The following GALNTL6 variants were observed in gnomAD, a reference collection of about 807,000 sequenced individuals.
The protein encoded by GALNTL6 is polypeptide N-acetylgalactosaminyltransferase-like 6.
Under a neutral mutation model 73.7 loss-of-function variants are expected in GALNTL6, and 46 were observed. The ratio of observed to expected loss-of-function variants is 0.62; its 90% CI spans 0.49 to 0.80. GALNTL6 has a LOEUF of 0.80. Among genes scored for constraint, GALNTL6 ranks in the 30% least tolerant of loss-of-function variants. GALNTL6 has a pLI of 0.00. For synonymous variants in GALNTL6, 259 were observed against 263.7 expected, an observed-to-expected ratio of 0.98 and a Z score of 0.17; for missense variants, 604 against 755.0, an observed-to-expected ratio of 0.80 and a Z score of 2.34.
intron 5 of GALNTL6, among the ~76,000 whole-genome samples, chr4:172,761,569 A>C (rs185864354): frequency 1.1e-3 from 167 of 152,200 alleles, no homozygotes; most frequent in Non-Finnish European, 2.2e-3. Context: ...AGGTAACTGG[A>C]TTATGGGGAT....
intron 2 of GALNTL6, among the ~76,000 whole-genome samples, chr4:172,175,940 TGA>T (rs1351922240): frequency 6.6e-5 from 10 of 152,252 alleles, no homozygotes; most frequent in African/African-American, 2.4e-4. Flanking sequence ...TAATTACAGA[TGA>T]TATAAAAATC....
chr4:172,324,387 T>C (rs1284435201), intron 4 of GALNTL6, among the ~76,000 whole-genome samples: 1 of 151,848 alleles, frequency 6.6e-6, no homozygotes, highest in East Asian at 1.9e-4. Flanking sequence ...AGAAATAAAT[T>C]CACTTAATTT....
intron 7 of GALNTL6, among the ~76,000 whole-genome samples, chr4:172,875,158 T>G (rs1455435389): frequency 2.0e-5 from 3 of 152,210 alleles, no homozygotes; most frequent in Non-Finnish European, 4.4e-5. Flanking sequence ...ATCACACAGA[T>G]GGACCCAAAG....
At chr4:172,437,953 C>T in intron 5 of GALNTL6, among the ~76,000 whole-genome samples, 1 of 34,580 alleles carries the variant, frequency 2.9e-5, no homozygotes, top group Non-Finnish European at 6.3e-5. Context: ...TCCCTTCCTC[C>T]TCCATTGTTA....
At chr4:172,701,303 A>C (rs1734014764) in intron 5 of GALNTL6, among the ~76,000 whole-genome samples, 1 of 152,136 alleles carries the variant, frequency 6.6e-6, no homozygotes, top group African/African-American at 2.4e-5. Context: ...AGAAAAGTTC[A>C]ACATAGAGAG....
chr4:171,991,893 A>T (rs1740347811), intron 2 of GALNTL6, among the ~76,000 whole-genome samples: 2 of 151,766 alleles, frequency 1.3e-5, no homozygotes, highest in African/African-American at 4.8e-5. Flanking sequence ...TATGTCAATA[A>T]GTAACTGTGT....
chr4:172,587,417 T>A (rs1737453384), intron 5 of GALNTL6, among the ~76,000 whole-genome samples: 1 of 152,224 alleles, frequency 6.6e-6, no homozygotes, highest in Admixed American at 6.5e-5. Flanking sequence ...GAGGGATCTT[T>A]GTTCAACATG....
At chr4:172,357,632 T>TACAC (rs1261733062) in intron 5 of GALNTL6, among the ~76,000 whole-genome samples, 11 of 7,630 alleles carry the variant, frequency 1.4e-3, no homozygotes, top group South Asian at 0.019. Context: ...TATATAGATA[T>TACAC]ATACACACAC....
chr4:172,532,185 A>T (rs544220434), intron 5 of GALNTL6, among the ~76,000 whole-genome samples: 2 of 152,328 alleles, frequency 1.3e-5, no homozygotes, highest in Admixed American at 1.3e-4. Context: ...CTTTGGAAAT[A>T]GGATCTTTGC....
intron 7 of GALNTL6, among the ~76,000 whole-genome samples, chr4:172,881,258 T>C (rs1159879805): frequency 2.0e-5 from 3 of 152,104 alleles, no homozygotes; most frequent in Non-Finnish European, 4.4e-5. Flanking sequence ...ATTCAGTGGG[T>C]GAAAAATGGG....
At chr4:172,135,175 C>G (rs912499337) in intron 2 of GALNTL6, among the ~76,000 whole-genome samples, 6 of 151,980 alleles carry the variant, frequency 3.9e-5, no homozygotes, top group Non-Finnish European at 7.4e-5. Flanking sequence ...ATATTATAAG[C>G]TATACTTATA....
At chr4:171,971,948 A>G (rs1208226582) in intron 2 of GALNTL6, among the ~76,000 whole-genome samples, 2 of 152,054 alleles carry the variant, frequency 1.3e-5, no homozygotes, top group African/African-American at 2.4e-5. Flanking sequence ...GGCCTCACCC[A>G]CATGTCTGAG....
In GALNTL6 at chr4:173,021,549, C is replaced by T. The variant is rs776471859; in HGVS notation, c.1562C>T (p.Ala521Val). 29 of 1,613,708 alleles carry T rather than the reference C, an allele frequency of 1.8e-5. No individual in the cohort carries two copies. The highest frequency in any genetic ancestry group is 2.2e-5 in the South Asian group (2 of 91,078). ...PLHTRKFCFD[A>V]ISHNSPVTLY... ...CATACCCGGAAATTCTGCTTTGATG[C>T]GATCTCACACAACAGCCCCGTTACA... The change falls in exon 12 of 13, where the codon GCG becomes GTG. Residue 521 changes from alanine (A) to valine (V), a missense_variant. Ala to Val is a moderately conservative substitution (Grantham distance 64, BLOSUM62 0). This residue lies in a region of GALNTL6 where 261 missense variants were observed against 296.5 expected (regional missense o/e 0.88). Coordinates refer to ENST00000506823, the MANE Select transcript of GALNTL6 (RefSeq NM_001034845.3).
intron 2 of GALNTL6, among the ~76,000 whole-genome samples, chr4:171,874,104 T>A (rs533458412): frequency 6.6e-6 from 1 of 152,348 alleles, no homozygotes; most frequent in South Asian, 2.1e-4. Context: ...ATGACTTGTG[T>A]TCTTCATGTG....
Position 172,041,106 on chromosome 4 carries a change from C to T in GALNTL6, c.139-188550C>T, listed in dbSNP as rs186011606. Among the ~76,000 whole-genome samples, 397 of 152,126 alleles carry T rather than the reference C, an allele frequency of 2.6e-3. 7 individuals carry two copies. The highest frequency in any genetic ancestry group is 0.023 in the Admixed American group (353 of 15,248). ...CTAATTGTTTTTTTATTTTAGATTG[C>T]TAATCACAGCCATCTCATAATTTTA... On this transcript the variant is annotated intron_variant, in intron 2 of 12. Transcript: ENST00000506823.
At chr4:171,993,606 T>TA (rs756775193) in intron 2 of GALNTL6, among the ~76,000 whole-genome samples, 3 of 152,048 alleles carry the variant, frequency 2.0e-5, no homozygotes, top group Non-Finnish European at 2.9e-5. Context: ...TTGGTTTAGA[T>TA]AAAACAATGT....
At chr4:172,652,273 A>G (rs1579291295) in intron 5 of GALNTL6, among the ~76,000 whole-genome samples, 1 of 152,326 alleles carries the variant, frequency 6.6e-6, no homozygotes, top group East Asian at 1.9e-4. Context: ...TTTTTCCTCA[A>G]AAAAGAACAG....
chr4:172,209,586 C>A (rs1443926613), intron 2 of GALNTL6, among the ~76,000 whole-genome samples: 1 of 151,988 alleles, frequency 6.6e-6, no homozygotes, highest in East Asian at 1.9e-4. Flanking sequence ...ACATTAGCAT[C>A]CAATCTTTTA....
At chr4:172,902,054 A>C (rs1490363648) in intron 8 of GALNTL6, among the ~76,000 whole-genome samples, 5 of 152,210 alleles carry the variant, frequency 3.3e-5, no homozygotes, top group African/African-American at 1.2e-4. Context: ...TTTATTGAGC[A>C]TCTAATGTAT....
Sources: allele counts gnomAD v4.1 joint callset (sites outside exome capture counted in the v4.1 genomes callset), GRCh38; gene constraint gnomAD v4.1.1; regional missense constraint gnomAD v4.1.1; transcripts MANE v1.5; gene names NCBI Gene and HGNC (gene_info 2026-07-23, HGNC 2026-07-21).